ANK1: variants seen among roughly 807,000 people sequenced by gnomAD.
ANK1 encodes the protein ankyrin 1.
In ANK1, 51 loss-of-function variants were observed where a neutral mutation model predicts 210.4. That is an observed-to-expected ratio of 0.24 (90% CI 0.19 to 0.31). The LOEUF (loss-of-function observed/expected upper bound fraction) is 0.31. Among genes scored for constraint, ANK1 ranks in the 10% least tolerant of loss-of-function variants. ANK1 has a pLI of 1.00. For missense variants in ANK1, 2,051 were observed against 2,504.4 expected (o/e 0.82, Z 3.86); for synonymous variants, 967 against 1,025.9 (o/e 0.94, Z 1.10).
At chr8:41,811,927 G>A (rs1259562296) in intron 1 of ANK1, among the ~76,000 whole-genome samples, 2 of 152,176 alleles carry the variant, frequency 1.3e-5, no homozygotes, top group East Asian at 3.8e-4. Context: ...AAGACAAAGA[G>A]CAATTATAGC....
At chr8:41,805,435 C>A (rs1256389084) in intron 1 of ANK1, among the ~76,000 whole-genome samples, 3 of 151,934 alleles carry the variant, frequency 2.0e-5, no homozygotes, top group South Asian at 4.2e-4. Flanking sequence ...TTTGTAGAGA[C>A]AGGATCTCAC....
intron 1 of ANK1, among the ~76,000 whole-genome samples, chr8:41,822,089 AG>A (rs1563844490): frequency 0.019 from 1,364 of 70,578 alleles, 31 homozygotes; most frequent in Non-Finnish European, 0.025. Flanking sequence ...AGAGAGAGAG[AG>A]AGAGAGAGAG....
intron 1 of ANK1, among the ~76,000 whole-genome samples, chr8:41,791,921 T>G (rs55694640): frequency 0.79 from 120,307 of 151,616 alleles, 48,623 homozygotes; most frequent in African/African-American, 0.88. Flanking sequence ...AGGGCTGGGG[T>G]CAGAAGGTTG....
rs1194713794 is a variant in ANK1, at chr8:41,672,923, A to G, written c.4538-11T>C. ...GCAGTGAGGAGTAACCTGGATGGGC[A>G]GACAGAGGGCAACATGCTCCAGCAG... is the stretch of plus-strand genomic sequence containing the variant. On this transcript the variant is annotated splice_polypyrimidine_tract_variant and intron_variant, in intron 37 of 42. Coordinates refer to ENST00000289734, the MANE Select transcript of ANK1 (RefSeq NM_000037.4). 6.3e-7 allele frequency: 1 copy of G among 1,594,438 alleles called. No homozygotes were observed. The highest frequency in any genetic ancestry group is 8.5e-7 in the Non-Finnish European group (1 of 1,177,158).
At chr8:41,798,612 T>A (rs1451602293), upstream of ANK1, among the ~76,000 whole-genome samples, 1 of 152,192 alleles carries the variant, frequency 6.6e-6, no homozygotes, top group Non-Finnish European at 1.5e-5. Flanking sequence ...GAACACCATA[T>A]CCTGGAATGG....
At chr8:41,767,501 CACT>C (rs1196846397) in intron 1 of ANK1, among the ~76,000 whole-genome samples, 1 of 151,802 alleles carries the variant, frequency 6.6e-6, no homozygotes, top group Non-Finnish European at 1.5e-5. Flanking sequence ...AGGCGCCCTC[CACT>C]CGCCCCGGCC....
At position 41,750,089 on chromosome 8, in the gene ANK1, C is replaced by G. The variant is rs567021057; in HGVS notation, c.129+7947G>C. ...GAAAGGTCGTAATTATCACCATCAC[C>G]AGAGCACAAGAAATCCTGATCAAAA... On this transcript the variant is annotated intron_variant, in intron 2 of 42. Transcript: ENST00000289734. Among the ~76,000 whole-genome samples, 18 of 152,328 alleles carry G rather than the reference C, an allele frequency of 1.2e-4. No homozygotes were observed. The East Asian group carries it at 3.5e-3, about 29-fold the overall frequency.
In ANK1 at chr8:41,672,471, G is replaced by C. The variant is rs1324840596; in HGVS notation, c.4979C>G (p.Thr1660Arg). 1 of 1,614,236 alleles carries C rather than the reference G, an allele frequency of 6.2e-7. No homozygotes were observed. Among genetic ancestry groups the C allele is most frequent in the South Asian group, 1.1e-5 (1 of 91,086 alleles). The change falls in exon 38 of 43, where the codon ACA becomes AGA. Residue 1660 changes from threonine to arginine, a missense_variant. Physicochemically the swap from Thr to Arg is moderately conservative, Grantham distance 71. This residue lies in a region of ANK1 where 496 missense variants were observed against 533.4 expected (regional missense o/e 0.93). Transcript: ENST00000289734. ...ATTCTCTGAGTCCTGCCCTGCACCT[G>C]TCGCGTCATCCTGCCTCTTAGAACC... ...LPGSKRQDDA[T>R]GAGQDSENEV...
intron 40 of ANK1, 101 bp from the exon 41 acceptor site, chr8:41,662,042 A>G: frequency 1.4e-6 from 2 of 1,456,674 alleles, no homozygotes; most frequent in Non-Finnish European, 1.9e-6. Context: ...AGATCATCTG[A>G]GGTCAGGAGT....
At position 41,664,951 on chromosome 8, in the gene ANK1, C is replaced by T. The variant is rs202140613; in HGVS notation, c.5395-1209G>A. 52 of 1,614,146 alleles carry T rather than the reference C, an allele frequency of 3.2e-5. No homozygotes were observed. The highest frequency in any genetic ancestry group is 1.0e-4 in the Admixed American group (6 of 60,014). On this transcript the variant is annotated intron_variant, in intron 39 of 42. Coordinates refer to ENST00000289734, the MANE Select transcript of ANK1 (RefSeq NM_000037.4). The stretch of plus-strand genomic sequence containing the variant: ...AGGGACCCCCTGACAATGTGCATCA[C>T]GTTCTGACAGCTGACCAGGAAGAAG...
At chr8:41,797,644 C>A (rs1048100231), upstream of ANK1, 112 of 1,544,270 alleles carry the variant, frequency 7.3e-5, 1 homozygote, top group Non-Finnish European at 4.9e-5. This position sits in a 1 kb window ranked among gnomAD's most constrained non-coding sequence, Gnocchi z 4.0. Context: ...GACGTGCGGG[C>A]CAGGCCCCCG....
At chr8:41,777,014 A>G (rs1844203284) in intron 1 of ANK1, among the ~76,000 whole-genome samples, 2 of 152,204 alleles carry the variant, frequency 1.3e-5, no homozygotes. Context: ...TAATCCTCTT[A>G]TGAATTCTGG....
chr8:41,890,970 G>A (rs1819330080), intron 1 of ANK1, among the ~76,000 whole-genome samples: 1 of 152,304 alleles, frequency 6.6e-6, no homozygotes, highest in South Asian at 2.1e-4. Flanking sequence ...TGGCTTCAAA[G>A]TGCTTACAAT....
intron 7 of ANK1, 142 bp from the exon 8 acceptor site, chr8:41,723,775 A>ATTTATTTT (rs1563568467): frequency 1.0e-5 from 5 of 499,634 alleles, no homozygotes; most frequent in Non-Finnish European, 1.0e-5. Flanking sequence ...AAGATATTTT[A>ATTTATTTT]TTTTTTTTTA....
intron 2 of ANK1, among the ~76,000 whole-genome samples, chr8:41,750,733 C>T (rs957257464): frequency 6.6e-6 from 1 of 152,124 alleles, no homozygotes; most frequent in Non-Finnish European, 1.5e-5. Flanking sequence ...TGAAGGCACG[C>T]AGTAACAAGC....
At chr8:41,818,162 G>T (rs931817471) in intron 1 of ANK1, among the ~76,000 whole-genome samples, 1 of 152,144 alleles carries the variant, frequency 6.6e-6, no homozygotes, top group African/African-American at 2.4e-5. Flanking sequence ...ATAACTAATG[G>T]GTACCCCAAC....
At chr8:41,841,013 G>A (rs569430447) in intron 1 of ANK1, among the ~76,000 whole-genome samples, 13 of 152,224 alleles carry the variant, frequency 8.5e-5, no homozygotes, top group South Asian at 4.1e-4. Context: ...CAATTACTGC[G>A]AATCTACCGT....
intron 1 of ANK1, among the ~76,000 whole-genome samples, chr8:41,865,063 G>A (rs1307157115): frequency 1.3e-5 from 2 of 152,286 alleles, no homozygotes; most frequent in Middle Eastern, 3.4e-3. Context: ...CAAGGTGGTA[G>A]GGTCTGCGAG....
At chr8:41,686,073 A>T in intron 36 of ANK1, 79 bp downstream of exon 36, 1 of 1,605,782 alleles carries the variant, frequency 6.2e-7, no homozygotes, top group South Asian at 1.1e-5. Context: ...GGCCAGTGTC[A>T]TGAATGGAAT....
Sources: allele counts gnomAD v4.1 joint callset (sites outside exome capture counted in the v4.1 genomes callset), GRCh38; gene constraint gnomAD v4.1.1; regional missense constraint gnomAD v4.1.1; non-coding constraint Gnocchi (gnomAD v3.1); transcripts MANE v1.5; gene names NCBI Gene and HGNC (gene_info 2026-07-23, HGNC 2026-07-21).